FBXO9: variants seen among roughly 807,000 people sequenced by gnomAD.
The protein encoded by FBXO9 is F-box protein 9.
Under a neutral mutation model 63.7 loss-of-function variants are expected in FBXO9, and 43 were observed. The observed-to-expected ratio is 0.67, with a 90% CI of 0.53 to 0.87. FBXO9 has a LOEUF of 0.87. FBXO9 is among the 40% of genes least tolerant of loss of function. The pLI, the probability that FBXO9 is intolerant of heterozygous loss-of-function variation, is 0.00. For synonymous variants in FBXO9, 156 were observed against 171.7 expected, an observed-to-expected ratio of 0.91 and a Z score of 0.72; for missense variants, 442 against 533.2, an observed-to-expected ratio of 0.83 and a Z score of 1.68.
chr6:53,066,106 G>A, intron 1 of FBXO9: 1 of 1,174,430 alleles, frequency 8.5e-7, no homozygotes, highest in Non-Finnish European at 1.1e-6. Flanking sequence ...AACCAGTCTC[G>A]GTCCTCTCAA....
intron 9 of FBXO9, 184 bp from the exon 10 acceptor site, chr6:53,093,282 G>A (rs1047747128): frequency 1.1e-5 from 5 of 472,334 alleles, no homozygotes; most frequent in Middle Eastern, 5.3e-4. Context: ...AATATCTTTG[G>A]TTCTTTGTTG....
Position 53,078,900 on chromosome 6 carries a change from T to G in FBXO9, c.407+2T>G. On this transcript the variant is annotated splice_donor_variant, in intron 5 of 12. Coordinates refer to ENST00000323557, the MANE Select transcript of FBXO9 (RefSeq NM_033480.3). LOFTEE classifies it high-confidence loss of function. ...TGGTGATGGCGTTGGAAACAGCTAGTGCGTATATAATTTGATAGATAGTAA... is the reference window on the plus strand; with the variant it reads ...TGGTGATGGCGTTGGAAACAGCTAGGGCGTATATAATTTGATAGATAGTAA... 6.2e-7 allele frequency: 1 copy of G among 1,608,480 alleles called. No homozygotes were observed. The highest frequency in any genetic ancestry group is 8.5e-7 in the Non-Finnish European group (1 of 1,174,906).
At chr6:53,065,966 T>G (rs1450625598) in intron 1 of FBXO9, 174 bp downstream of exon 1, 2 of 1,160,196 alleles carry the variant, frequency 1.7e-6, no homozygotes, top group Non-Finnish European at 2.2e-6. Context: ...GGGCGGGGGG[T>G]GCCAACCCTG....
At chr6:53,093,362 T>G in intron 9 of FBXO9, 104 bp from the exon 10 acceptor site, 2 of 659,462 alleles carry the variant, frequency 3.0e-6, no homozygotes, top group Non-Finnish European at 5.1e-6. Flanking sequence ...GGTATTTCAG[T>G]GTTGGTTTCA....
In FBXO9 at chr6:53,065,664, A is replaced by T; in HGVS notation, c.-126A>T. 2 of 1,165,900 alleles carry T rather than the reference A, an allele frequency of 1.7e-6. No individual in the cohort carries two copies. The highest frequency in any genetic ancestry group is 2.2e-5 in the South Asian group (1 of 45,626). The allele number at this position is 1,165,900 out of a possible 1,614,324, so 72.2% of individuals were successfully genotyped here. A position where few individuals can be genotyped will look rare whatever the true frequency, so the allele number is the denominator to read the frequency against. The stretch of plus-strand genomic sequence containing the variant: ...GCCTGGTGCGCTTCTCCGACCGAGA[A>T]CTCTGCTAAGCTCCGCTGCAGAGAC... On this transcript the variant is annotated 5_prime_UTR_variant, in exon 1 of 13. Transcript: ENST00000323557.
intron 4 of FBXO9, 110 bp downstream of exon 4, chr6:53,076,653 A>G: frequency 1.3e-6 from 1 of 772,078 alleles, no homozygotes; most frequent in East Asian, 3.3e-5. Flanking sequence ...CACTTTTCTT[A>G]ATACATTCTT....
intron 12 of FBXO9, among the ~76,000 whole-genome samples, chr6:53,097,059 T>C (rs1407460979): frequency 1.3e-5 from 2 of 152,192 alleles, no homozygotes; most frequent in African/African-American, 4.8e-5. Flanking sequence ...AATTATCACA[T>C]TGACTTCCTT....
intron 12 of FBXO9, among the ~76,000 whole-genome samples, chr6:53,096,887 T>C (rs1763227983): frequency 6.6e-6 from 1 of 152,128 alleles, no homozygotes; most frequent in Non-Finnish European, 1.5e-5. Context: ...GCCTCGGTGA[T>C]AGAGCAAGAC....
rs1763311084 is a variant in FBXO9 at position 53,100,124 on chromosome 6, T to C, written c.*2294T>C. 6.6e-6 allele frequency: 1 copy of C among 152,154 alleles called. No individual in the cohort carries two copies. Among genetic ancestry groups the C allele is most frequent in the Non-Finnish European group, 1.5e-5 (1 of 68,028 alleles). The allele number at this position is 152,154 out of a possible 1,614,324, so 9.4% of individuals were successfully genotyped here. ...TTACATTTTCTGTATATTTGTAAAA[T>C]GCAAAAGCAATATATATTTGTTGTG... On this transcript the variant is annotated 3_prime_UTR_variant, in exon 13 of 13. Transcript: ENST00000323557.
rs551291380 is a variant in FBXO9, at chr6:53,069,991, G to GAAAAAGTGAA, written c.4-1064_4-1063insAAAGTGAAAA. On this transcript the variant is annotated intron_variant, in intron 1 of 12. Transcript: ENST00000323557. ...ATTTTATTTCATTTTTTTCTAAGAAGAATAATATTTTTCTTTTCTTTTTTC... is the reference window on the plus strand; with the variant it reads ...ATTTTATTTCATTTTTTTCTAAGAAGAAAAAGTGAAAATAATATTTTTCTTTTCTTTTTTC... 8.5e-3 allele frequency among the ~76,000 whole-genome samples: 1,160 copies of GAAAAAGTGAA among 136,618 alleles called. 13 individuals are homozygous for GAAAAAGTGAA. The highest frequency in any genetic ancestry group is 0.027 in the African/African-American group (1,018 of 37,544). 89.6% of individuals were successfully genotyped at this position (136,618 alleles called of 152,430 possible).
chr6:53,094,734 A>C, intron 11 of FBXO9: 1 of 438,680 alleles, frequency 2.3e-6, no homozygotes, highest in Non-Finnish European at 4.6e-6. Flanking sequence ...CCTTGTGGCC[A>C]CCTGTTGCTG....
At chr6:53,072,001 T>C (rs994102938) in intron 2 of FBXO9, among the ~76,000 whole-genome samples, 2 of 152,020 alleles carry the variant, frequency 1.3e-5, no homozygotes, top group Admixed American at 6.6e-5. Context: ...CTTTATACAT[T>C]AAAAGAGAAA....
chr6:53,066,510 A>C (rs1366245512), intron 1 of FBXO9, among the ~76,000 whole-genome samples: 2 of 152,264 alleles, frequency 1.3e-5, no homozygotes, highest in Admixed American at 6.5e-5. Flanking sequence ...CTGAGAAACT[A>C]ATCTCTGGCT....
At chr6:53,071,944 A>G (rs185139376) in intron 2 of FBXO9, among the ~76,000 whole-genome samples, 1 of 152,248 alleles carries the variant, frequency 6.6e-6, no homozygotes, top group Admixed American at 6.5e-5. Flanking sequence ...GTAATGATGC[A>G]TCCATACAGT....
At chr6:53,083,460 G>A (rs1250235467) in intron 7 of FBXO9, among the ~76,000 whole-genome samples, 2 of 152,122 alleles carry the variant, frequency 1.3e-5, no homozygotes, top group Non-Finnish European at 2.9e-5. Context: ...ATTGCAATGG[G>A]AATACACATG....
Position 53,098,229 on chromosome 6 carries a change from G to T in FBXO9, c.*399G>T, listed in dbSNP as rs573064308. On this transcript the variant is annotated 3_prime_UTR_variant, in exon 13 of 13. Coordinates refer to ENST00000323557, the MANE Select transcript of FBXO9 (RefSeq NM_033480.3). ...GTATCCTAATATTTCAATGCATCAG[G>T]GGAGCGCTCCACTGGATAAGCATTT... The T allele has an allele frequency of 1.3e-4, 42 of 320,714 alleles. No individual in the cohort carries two copies. In the East Asian group the frequency reaches 2.0e-3, roughly 15 times the overall value. 19.9% of individuals were successfully genotyped at this position (320,714 alleles called of 1,614,324 possible).
In FBXO9 at chr6:53,097,909, T is replaced by TGG. The variant is rs2127501383; in HGVS notation, c.*80_*81insGG. The TGG allele has an allele frequency of 6.1e-6, 1 of 163,406 alleles. No homozygotes were observed. The highest frequency in any genetic ancestry group is 5.4e-5 in the African/African-American group (1 of 18,492). 10.1% of individuals were successfully genotyped at this position (163,406 alleles called of 1,614,324 possible). ...AAAGAGCACCTAAGTTATAAATGTG[T>TGG]GTGTGTGCGTGTGTGTGTATATATA... On this transcript the variant is annotated 3_prime_UTR_variant, in exon 13 of 13. Coordinates refer to ENST00000323557, the MANE Select transcript of FBXO9 (RefSeq NM_033480.3).
chr6:53,097,112 C>T (rs905730997), intron 12 of FBXO9, among the ~76,000 whole-genome samples: 1 of 152,078 alleles, frequency 6.6e-6, no homozygotes, highest in Non-Finnish European at 1.5e-5. Flanking sequence ...TTTCGTTTGT[C>T]TCTCTCAGTG....
At chr6:53,079,973 G>A (rs893042890) in intron 5 of FBXO9, among the ~76,000 whole-genome samples, 1 of 151,988 alleles carries the variant, frequency 6.6e-6, no homozygotes, top group African/African-American at 2.4e-5. Context: ...TGAATCACTT[G>A]GGTTTTTTCT....
Sources: allele counts gnomAD v4.1 joint callset (sites outside exome capture counted in the v4.1 genomes callset), GRCh38; gene constraint gnomAD v4.1.1; transcripts MANE v1.5; gene names NCBI Gene and HGNC (gene_info 2026-07-23, HGNC 2026-07-21).